LTBP1: variants seen among roughly 807,000 people sequenced by gnomAD.
The protein encoded by LTBP1 is latent transforming growth factor beta binding protein 1.
In LTBP1, 129 loss-of-function variants were observed where a neutral mutation model predicts 207.6. That is an observed-to-expected ratio of 0.62 (90% CI 0.54 to 0.72). The LOEUF is 0.72. Ranked by LOEUF, LTBP1 falls within the 30% of genes least tolerant of loss-of-function variation. The pLI, the probability that LTBP1 is intolerant of heterozygous loss-of-function variation, is 0.00. For missense variants in LTBP1, 2,281 were observed against 2,217.2 expected (o/e 1.03, Z -0.58); for synonymous variants, 963 against 833.7 (o/e 1.16, Z -2.67).
intron 7 of LTBP1, among the ~76,000 whole-genome samples, chr2:33,200,044 T>C (rs2089034210): frequency 6.6e-6 from 1 of 152,134 alleles, no homozygotes; most frequent in South Asian, 2.1e-4. Flanking sequence ...AAAATGGCCA[T>C]ACTGCCCAAG....
At chr2:33,277,439 A>G (rs769037534) in intron 18 of LTBP1, among the ~76,000 whole-genome samples, 149 of 152,196 alleles carry the variant, frequency 9.8e-4, no homozygotes, top group Non-Finnish European at 1.8e-3. Context: ...CCTGACCTGT[A>G]GCCACTGACT....
intron 2 of LTBP1, among the ~76,000 whole-genome samples, chr2:32,986,524 A>G (rs1019292129): frequency 1.3e-5 from 2 of 152,232 alleles, no homozygotes; most frequent in Non-Finnish European, 2.9e-5. Flanking sequence ...AACCGGCTAC[A>G]TCATTTGCAG....
At chr2:33,212,470 G>C (rs1011792586) in intron 7 of LTBP1, among the ~76,000 whole-genome samples, 4 of 152,168 alleles carry the variant, frequency 2.6e-5, no homozygotes, top group African/African-American at 9.7e-5. Context: ...GTGGTGTGTA[G>C]TAACTTGTAT....
chr2:32,958,623 T>C (rs375356575), intron 2 of LTBP1, among the ~76,000 whole-genome samples: 1 of 152,248 alleles, frequency 6.6e-6, no homozygotes, highest in East Asian at 1.9e-4. Flanking sequence ...AGAATGGAGT[T>C]GAGTCGAAGT....
At chr2:33,312,504 A>G (rs77878188) in intron 23 of LTBP1, among the ~76,000 whole-genome samples, 3,081 of 152,308 alleles carry the variant, frequency 0.02, 107 homozygotes, top group African/African-American at 0.069. Context: ...ATGCCAAATT[A>G]TGAATTTCTG....
At chr2:33,182,380 T>C (rs2086727053) in intron 5 of LTBP1, among the ~76,000 whole-genome samples, 1 of 151,802 alleles carries the variant, frequency 6.6e-6, no homozygotes, top group Non-Finnish European at 1.5e-5. Flanking sequence ...AAGGTGGTGT[T>C]GGCCGGGCGC....
chr2:33,320,517 G>A (rs957575541), intron 24 of LTBP1, among the ~76,000 whole-genome samples: 1 of 152,124 alleles, frequency 6.6e-6, no homozygotes, highest in Non-Finnish European at 1.5e-5. Flanking sequence ...GCTTCTGTAA[G>A]TGAAAGAAAT....
At chr2:33,356,100 A>G (rs1355397902) in intron 26 of LTBP1, among the ~76,000 whole-genome samples, 2 of 152,048 alleles carry the variant, frequency 1.3e-5, no homozygotes, top group Non-Finnish European at 2.9e-5. Context: ...GAAGGCTTTA[A>G]TTGGGTGCTA....
At chr2:33,397,760 G>A (rs1382287602) in intron 33 of LTBP1, among the ~76,000 whole-genome samples, 2 of 149,222 alleles carry the variant, frequency 1.3e-5, no homozygotes, top group Non-Finnish European at 3.0e-5. Flanking sequence ...CTGACCTCGT[G>A]ATCCGCCCAC....
intron 2 of LTBP1, among the ~76,000 whole-genome samples, chr2:32,981,118 T>G (rs1682699330): frequency 1.3e-5 from 2 of 152,314 alleles, no homozygotes; most frequent in South Asian, 4.1e-4. Context: ...GATATTTTTC[T>G]CTAGGTTTGG....
chr2:33,223,098 T>G (rs966477528), intron 9 of LTBP1, among the ~76,000 whole-genome samples: 2 of 152,170 alleles, frequency 1.3e-5, no homozygotes, highest in African/African-American at 4.8e-5. Context: ...TACAGTAGAT[T>G]AAGGTCATGT....
At chr2:33,271,611 A>T (rs1558922606) in intron 15 of LTBP1, among the ~76,000 whole-genome samples, 1 of 152,204 alleles carries the variant, frequency 6.6e-6, no homozygotes, top group Non-Finnish European at 1.5e-5. Flanking sequence ...AGATTATGAA[A>T]GTGCCAAGAC....
At chr2:33,248,520 T>C (rs1253871518) in intron 10 of LTBP1, among the ~76,000 whole-genome samples, 1 of 152,116 alleles carries the variant, frequency 6.6e-6, no homozygotes, top group Non-Finnish European at 1.5e-5. Flanking sequence ...CCTGCCACAC[T>C]ATAGAATAGG....
intron 9 of LTBP1, among the ~76,000 whole-genome samples, chr2:33,237,240 CA>C (rs1216383826): frequency 6.6e-6 from 1 of 152,144 alleles, no homozygotes; most frequent in African/African-American, 2.4e-5. Flanking sequence ...AAGTTAAACA[CA>C]GAAAAACAAG....
At chr2:33,046,656 TC>T (rs199519555) in intron 3 of LTBP1, among the ~76,000 whole-genome samples, 14,301 of 152,240 alleles carry the variant, frequency 0.094, 894 homozygotes, top group Non-Finnish European at 0.14. Context: ...TCCCTCTTTT[TC>T]TACTGTTTGG....
At position 33,364,071 on chromosome 2, in the gene LTBP1, C is replaced by G. The variant is rs563870177; in HGVS notation, c.4400-145C>G. On this transcript the variant is annotated intron_variant, in intron 29 of 33. Transcript: ENST00000404816. ...TTACATTTTTATAGACAGAGCCACT[C>G]TCTTTTGGATGATAATGTGTGGTTA... 2.4e-5 allele frequency: 16 copies of G among 654,724 alleles called. No individual in the cohort carries two copies. In the South Asian group the frequency reaches 3.1e-4, roughly 13 times the overall value. 40.6% of individuals were successfully genotyped at this position (654,724 alleles called of 1,614,324 possible). A position where few individuals can be genotyped will look rare whatever the true frequency, so the allele number is the denominator to read the frequency against.
At position 33,134,080 on chromosome 2, in the gene LTBP1, G is replaced by C. The variant is rs2081979319; in HGVS notation, c.1034-713G>C. 1.3e-5 allele frequency among the ~76,000 whole-genome samples: 2 copies of C among 152,190 alleles called. No homozygotes were observed. Among genetic ancestry groups the C allele is most frequent in the Non-Finnish European group, 2.9e-5 (2 of 68,034 alleles). On this transcript the variant is annotated intron_variant, in intron 4 of 33. Coordinates refer to ENST00000404816, the MANE Select transcript of LTBP1 (RefSeq NM_206943.4). The surrounding 1 kb of genome is among the most constrained non-coding windows in gnomAD (Gnocchi z 4.4). ...AGAGCCCAAGGGTGTTATTTTTAGGGAGGCAACCATTTATCCCTGTGACCT... is the reference window on the plus strand; with the variant it reads ...AGAGCCCAAGGGTGTTATTTTTAGGCAGGCAACCATTTATCCCTGTGACCT...
intron 15 of LTBP1, among the ~76,000 whole-genome samples, chr2:33,271,070 T>C (rs1369527639): frequency 3.9e-5 from 6 of 152,226 alleles, no homozygotes; most frequent in Non-Finnish European, 8.8e-5. Context: ...GGCATAGGAA[T>C]ATATCACATT....
chr2:33,342,843 G>A lies in LTBP1; in HGVS notation c.3736G>A (p.Asp1246Asn). 3.1e-6 allele frequency: 5 copies of A among 1,612,736 alleles called. No individual in the cohort carries two copies. The highest frequency in any genetic ancestry group is 3.4e-6 in the Non-Finnish European group (4 of 1,179,436). The change falls in exon 25 of 34, where the codon GAT (aspartate) becomes AAT (asparagine). Residue 1246 changes from aspartate (D) to asparagine (N), a missense_variant. Transcript: ENST00000404816. ...SADGRTCEDIDECVNNTVCDS... is the reference protein window; with the variant it reads ...SADGRTCEDINECVNNTVCDS... ...GTTCCATGTCTTTTTTGCAGATATT[G>A]ATGAATGTGTAAACAACACTGTTTG...
Sources: allele counts gnomAD v4.1 joint callset (sites outside exome capture counted in the v4.1 genomes callset), GRCh38; gene constraint gnomAD v4.1.1; non-coding constraint Gnocchi (gnomAD v3.1); transcripts MANE v1.5; gene names NCBI Gene and HGNC (gene_info 2026-07-23, HGNC 2026-07-21).